The following CCZ1 variants were observed in gnomAD, a reference collection of about 807,000 sequenced individuals.
The protein encoded by CCZ1 is vacuolar fusion protein CCZ1 homolog.
Under a neutral mutation model 57.8 loss-of-function variants are expected in CCZ1, and 19 were observed. The observed-to-expected ratio is 0.33, with a 90% CI of 0.23 to 0.48. The LOEUF (loss-of-function observed/expected upper bound fraction) is 0.48, where lower values mean the gene tolerates loss of function less well. Among genes scored for constraint, CCZ1 ranks in the 20% least tolerant of loss-of-function variants. CCZ1 has a pLI of 0.99. For missense variants in CCZ1, 200 were observed against 492.0 expected (o/e 0.41, Z 5.61); for synonymous variants, 81 against 167.0 (o/e 0.49, Z 3.97).
At chr7:5,908,537 C>A (rs1583185294) in intron 7 of CCZ1, among the ~76,000 whole-genome samples, 1 of 147,746 alleles carries the variant, frequency 6.8e-6, no homozygotes, top group Non-Finnish European at 1.5e-5. Context: ...TGCTATCAGG[C>A]CTAGCAAATT....
chr7:5,910,797 G>A (rs1236186454), intron 8 of CCZ1, among the ~76,000 whole-genome samples: 1 of 147,104 alleles, frequency 6.8e-6, no homozygotes, highest in Non-Finnish European at 1.5e-5. Flanking sequence ...GTGCAGTAGT[G>A]CAATCTCAGC....
In CCZ1 at chr7:5,914,802, C is replaced by T. The variant is rs867864112; in HGVS notation, c.954+1848C>T. On this transcript the variant is annotated intron_variant, in intron 10 of 14. Coordinates refer to ENST00000325974, the MANE Select transcript of CCZ1 (RefSeq NM_015622.6). ...GAGGCAGGAGAATCACTTGTACCCG[C>T]GAGGCGGAGGTTGCAGTGAGCTGAG... 8.5e-3 allele frequency among the ~76,000 whole-genome samples: 1,235 copies of T among 144,998 alleles called. 7 individuals are homozygous for T. Among genetic ancestry groups the T allele is most frequent in the South Asian group, 0.025 (106 of 4,236 alleles).
At chr7:5,914,925 C>T (rs1212618742) in intron 10 of CCZ1, among the ~76,000 whole-genome samples, 19 of 141,680 alleles carry the variant, frequency 1.3e-4, no homozygotes, top group African/African-American at 3.0e-4. Flanking sequence ...AAAAGTTTAC[C>T]GTCATGCACC....
chr7:5,905,774 C>CTT (rs1583183232), intron 7 of CCZ1, among the ~76,000 whole-genome samples: 1 of 51,072 alleles, frequency 2.0e-5, no homozygotes, highest in Non-Finnish European at 3.2e-5. Context: ...GAGAGAGACT[C>CTT]TGTCTCCAAA....
intron 14 of CCZ1, 171 bp from the exon 15 acceptor site, chr7:5,925,461 T>A: frequency 1.6e-6 from 1 of 634,252 alleles, no homozygotes; most frequent in Non-Finnish European, 2.6e-6. Flanking sequence ...AGCAAGACTC[T>A]GTCTCAAACA....
chr7:5,908,181 T>C lies in CCZ1; in HGVS notation c.699-1854T>C, dbSNP rs571870086. ...GTTATATTAAATACCAAAAAGACTTTTAAGCCAGGCGTGGTGCACATACCT... is the reference window on the plus strand; with the variant it reads ...GTTATATTAAATACCAAAAAGACTTCTAAGCCAGGCGTGGTGCACATACCT... On this transcript the variant is annotated intron_variant, in intron 7 of 14. Coordinates refer to ENST00000325974, the MANE Select transcript of CCZ1 (RefSeq NM_015622.6). Among the ~76,000 whole-genome samples the C allele has an allele frequency of 2.1e-5, 3 of 143,748 alleles. 1 individual carries two copies. The highest frequency in any genetic ancestry group is 4.8e-4 in the East Asian group (2 of 4,210). 94.3% of individuals were successfully genotyped at this position (143,748 alleles called of 152,430 possible).
chr7:5,899,901 G>T (rs1447208930), intron 1 of CCZ1, among the ~76,000 whole-genome samples: 2 of 146,946 alleles, frequency 1.4e-5, no homozygotes, highest in African/African-American at 5.2e-5. Context: ...TTAGCACTAG[G>T]AAAGAAACCT....
Position 5,902,735 on chromosome 7 carries a change from C to T in CCZ1, c.513C>T (p.Phe171=). The T allele has an allele frequency of 1.3e-6, 2 of 1,594,884 alleles. No homozygotes were observed. Among genetic ancestry groups the T allele is most frequent in the South Asian group, 1.2e-5 (1 of 86,090 alleles). The change falls in exon 6 of 15, where the codon TTC becomes TTT. Residue 171 remains phenylalanine (F), a synonymous_variant. Transcript: ENST00000325974. ...TTCTGAAAGAAAGATTAGAGAAATTCTTCCATCGGGTAAGTATTTTGAATT... is the reference window on the plus strand; with the variant it reads ...TTCTGAAAGAAAGATTAGAGAAATTTTTCCATCGGGTAAGTATTTTGAATT... The part of the protein sequence containing the change: ...VKLLKERLEK[F]FHRYLQTLHL...
At chr7:5,924,023 AC>A (rs1779303019) in intron 14 of CCZ1, 61 bp downstream of exon 14, 2 of 870,854 alleles carry the variant, frequency 2.3e-6, no homozygotes, top group African/African-American at 2.1e-5. Context: ...GCATTAAGAA[AC>A]ATGGTTAAAA....
chr7:5,902,364 A>T (rs2128610543), intron 5 of CCZ1: 1 of 296,806 alleles, frequency 3.4e-6, no homozygotes, highest in South Asian at 5.1e-5. Context: ...TGAAAAATAA[A>T]AAAACAGAAA....
Position 5,911,132 on chromosome 7 carries a change from G to T in CCZ1, c.781-729G>T, listed in dbSNP as rs1019486975. On this transcript the variant is annotated intron_variant, in intron 8 of 14. Coordinates refer to ENST00000325974, the MANE Select transcript of CCZ1 (RefSeq NM_015622.6). The stretch of plus-strand genomic sequence containing the variant: ...GTAGTCTTTTCCTCTATCAACAGGA[G>T]ACCTAATTTTCAGTAGATGTTTTAG... 5.4e-5 allele frequency among the ~76,000 whole-genome samples: 8 copies of T among 149,020 alleles called. 1 individual carries two copies. The highest frequency in any genetic ancestry group is 1.7e-4 in the African/African-American group (7 of 40,222).
chr7:5,910,235 T>A, intron 8 of CCZ1, 119 bp downstream of exon 8: 4 of 888,264 alleles, frequency 4.5e-6, no homozygotes, highest in African/African-American at 3.3e-5. Context: ...TTTGTCTTAC[T>A]GTGATATTTG....
At chr7:5,900,724 T>A in intron 3 of CCZ1, 131 bp from the exon 4 acceptor site, 4 of 1,521,286 alleles carry the variant, frequency 2.6e-6, no homozygotes, top group Non-Finnish European at 3.5e-6. Flanking sequence ...CTATTTGCTT[T>A]ATTCATTCTT....
chr7:5,900,173 GT>G (rs1781650188), intron 1 of CCZ1, 110 bp from the exon 2 acceptor site: 1 of 1,402,274 alleles, frequency 7.1e-7, no homozygotes, highest in African/African-American at 1.5e-5. Context: ...TTTTTGTTTT[GT>G]TTTGTCATTA....
At chr7:5,904,263 T>G (rs1246205023) in intron 6 of CCZ1, among the ~76,000 whole-genome samples, 1 of 139,886 alleles carries the variant, frequency 7.1e-6, no homozygotes, top group Non-Finnish European at 1.5e-5. Flanking sequence ...ATGTTGTAAT[T>G]TTATTAGAGA....
At chr7:5,915,158 A>T (rs1779124804) in intron 10 of CCZ1, among the ~76,000 whole-genome samples, 1 of 148,670 alleles carries the variant, frequency 6.7e-6, no homozygotes, top group Admixed American at 6.7e-5. Flanking sequence ...AGATAAAAAG[A>T]TGTTTCATTC....
intron 7 of CCZ1, among the ~76,000 whole-genome samples, chr7:5,906,768 C>T (rs1781837094): frequency 6.6e-6 from 1 of 150,676 alleles, no homozygotes; most frequent in Non-Finnish European, 1.5e-5. Context: ...AAACAAGTTA[C>T]TGTAAAGAAA....
At chr7:5,908,217 C>A (rs1344270055) in intron 7 of CCZ1, among the ~76,000 whole-genome samples, 1 of 142,562 alleles carries the variant, frequency 7.0e-6, no homozygotes, top group Non-Finnish European at 1.5e-5. Context: ...ATAGTCCCAG[C>A]TACTGGGGAG....
chr7:5,909,966 T>G (rs1781931483), intron 7 of CCZ1, 69 bp from the exon 8 acceptor site: 15 of 1,408,964 alleles, frequency 1.1e-5, no homozygotes, highest in Non-Finnish European at 1.5e-5. Context: ...TTTAATGAGC[T>G]TTATCACAGC....
Sources: gnomAD v4.1 joint callset for allele counts (sites outside exome capture counted in the v4.1 genomes callset) on GRCh38, gnomAD v4.1.1 for gene constraint, MANE v1.5 for transcripts, NCBI Gene and HGNC (gene_info 2026-07-23, HGNC 2026-07-21) for gene names.